Variants in ZFAT observed in about 807,000 individuals in gnomAD.
ZFAT encodes zinc finger protein ZFAT.
In ZFAT, 64 loss-of-function variants were observed where a neutral mutation model predicts 117.7. The observed-to-expected ratio is 0.54, with a 90% CI of 0.44 to 0.67. ZFAT has a LOEUF of 0.67. Among genes scored for constraint, ZFAT ranks in the 30% least tolerant of loss-of-function variants. ZFAT has a pLI of 0.00. For missense variants in ZFAT, 1,433 were observed against 1,584.5 expected (o/e 0.90, Z 1.62); for synonymous variants, 679 against 615.0 (o/e 1.10, Z -1.54).
At chr8:134,763,170 T>C in the ZFAT span, among the ~76,000 whole-genome samples, 1 of 152,222 alleles carries the variant, frequency 6.6e-6, no homozygotes, top group East Asian at 1.9e-4. Context: ...AGTAAACAAA[T>C]AAAAAATGTA....
At chr8:134,588,980 A>G (rs1826258852) in intron 8 of ZFAT, among the ~76,000 whole-genome samples, 1 of 152,214 alleles carries the variant, frequency 6.6e-6, no homozygotes, top group African/African-American at 2.4e-5. Flanking sequence ...TGCTGTCTGG[A>G]ATATACTTTA....
At chr8:134,729,415 T>G in the ZFAT span, among the ~76,000 whole-genome samples, 1 of 152,262 alleles carries the variant, frequency 6.6e-6, no homozygotes, top group Non-Finnish European at 1.5e-5. Context: ...CACTGCAAGC[T>G]CTGCCTCCCA....
At chr8:134,497,341 A>G (rs13268940) in intron 15 of ZFAT, among the ~76,000 whole-genome samples, 125,489 of 150,514 alleles carry the variant, frequency 0.83, 52,484 homozygotes, top group East Asian at 1. Flanking sequence ...TGTGAGCCAG[A>G]GGAGGGGGAC....
At chr8:134,553,329 C>A (rs977559429) in intron 11 of ZFAT, among the ~76,000 whole-genome samples, 2 of 152,058 alleles carry the variant, frequency 1.3e-5, no homozygotes, top group Non-Finnish European at 2.9e-5. Flanking sequence ...ATGGTGAAAC[C>A]CCATCTCTAC....
the ZFAT span, among the ~76,000 whole-genome samples, chr8:134,823,891 A>G: frequency 6.6e-6 from 1 of 152,242 alleles, no homozygotes; most frequent in African/African-American, 2.4e-5. Flanking sequence ...TTATATATTT[A>G]GCATAATGTC....
intron 12 of ZFAT, among the ~76,000 whole-genome samples, chr8:134,530,555 T>C (rs1250290065): frequency 6.6e-6 from 1 of 152,210 alleles, no homozygotes; most frequent in Non-Finnish European, 1.5e-5. Flanking sequence ...GCGCATGGCC[T>C]CTTAAGAGTC....
chr8:134,513,103 TGGAAG>T (rs1349670170), intron 13 of ZFAT, among the ~76,000 whole-genome samples: 3 of 150,890 alleles, frequency 2.0e-5, no homozygotes, highest in Non-Finnish European at 1.5e-5. Flanking sequence ...CAGCTGATGG[TGGAAG>T]GGAGAGGACC....
At chr8:134,482,881 T>C (rs1421947506) in intron 15 of ZFAT, among the ~76,000 whole-genome samples, 5 of 152,154 alleles carry the variant, frequency 3.3e-5, no homozygotes, top group South Asian at 2.1e-4. Flanking sequence ...ACACGCAGGG[T>C]TCCTGAAGGT....
chr8:134,766,814 A>G, the ZFAT span: 1 of 152,274 alleles, frequency 6.6e-6, no homozygotes, highest in Admixed American at 6.5e-5. Context: ...GTTAAGCAGC[A>G]GAACTGAGAT....
At chr8:134,596,031 C>A (rs1238141704) in intron 7 of ZFAT, among the ~76,000 whole-genome samples, 1 of 152,244 alleles carries the variant, frequency 6.6e-6, no homozygotes, top group Non-Finnish European at 1.5e-5. Context: ...ATACCTGCTT[C>A]CATCTCCAGG....
At chr8:134,512,429 A>G in intron 14 of ZFAT, 46 bp downstream of exon 14, 2 of 1,605,094 alleles carry the variant, frequency 1.2e-6, no homozygotes, top group South Asian at 2.2e-5. Context: ...CAGCATGTCT[A>G]GGAAAGACAG....
chr8:134,634,031 A>G (rs1218648862), intron 3 of ZFAT, among the ~76,000 whole-genome samples: 2 of 151,486 alleles, frequency 1.3e-5, no homozygotes, highest in African/African-American at 2.4e-5. Context: ...AGGCAACAAG[A>G]GCAAAACTCC....
intron 2 of ZFAT, among the ~76,000 whole-genome samples, chr8:134,655,348 T>C (rs980594574): frequency 3.3e-5 from 5 of 152,180 alleles, no homozygotes; most frequent in African/African-American, 1.2e-4. Flanking sequence ...TCATTTCCTA[T>C]TTATAAAAGA....
chr8:134,683,663 C>G (rs1163919878), intron 1 of ZFAT, among the ~76,000 whole-genome samples: 1 of 152,020 alleles, frequency 6.6e-6, no homozygotes, highest in Non-Finnish European at 1.5e-5. Context: ...GGCAGGCACA[C>G]TGAGAGCTGT....
At position 134,668,749 on chromosome 8, in the gene ZFAT, C is replaced by T. The variant is rs146221413; in HGVS notation, c.20-11012G>A. Among the ~76,000 whole-genome samples the T allele has an allele frequency of 3.9e-3, 594 of 152,298 alleles. 7 individuals are homozygous for T. Among genetic ancestry groups the T allele is most frequent in the African/African-American group, 0.013 (550 of 41,544 alleles). ...TCACTAGCAAGGGAACAAAGCTGGA[C>T]GGAGAATGACTTTGACGAGTTGAGA... On this transcript the variant is annotated intron_variant, in intron 1 of 15. Coordinates refer to ENST00000377838, the MANE Select transcript of ZFAT (RefSeq NM_020863.4).
chr8:134,657,538 G>C (rs1024464956), intron 2 of ZFAT, 23 bp downstream of exon 2: 3 of 1,587,422 alleles, frequency 1.9e-6, no homozygotes, highest in Non-Finnish European at 2.6e-6. Context: ...AAGGTATCCT[G>C]CCCCACCCCC....
intron 3 of ZFAT, among the ~76,000 whole-genome samples, chr8:134,620,385 C>CGCTGCACAGTCA (rs1829031104): frequency 6.6e-6 from 1 of 152,208 alleles, no homozygotes; most frequent in African/African-American, 2.4e-5. Flanking sequence ...CGAGAAGGCA[C>CGCTGCACAGTCA]GCTGCACAGT....
At chr8:134,767,896 T>G in the ZFAT span, among the ~76,000 whole-genome samples, 1 of 152,200 alleles carries the variant, frequency 6.6e-6, no homozygotes, top group Non-Finnish European at 1.5e-5. Context: ...CTCTTAGGCA[T>G]CATCTTCTAC....
chr8:134,806,190 T>A, the ZFAT span, among the ~76,000 whole-genome samples: 4 of 152,200 alleles, frequency 2.6e-5, no homozygotes, highest in African/African-American at 4.8e-5. Context: ...TCTGAGAGAC[T>A]ATTAATTTCC....
Sources: gnomAD v4.1 joint callset for allele counts (sites outside exome capture counted in the v4.1 genomes callset) on GRCh38, gnomAD v4.1.1 for gene constraint, MANE v1.5 for transcripts, NCBI Gene and HGNC (gene_info 2026-07-23, HGNC 2026-07-21) for gene names.